Variants in XIRP2 observed in about 807,000 individuals in gnomAD.
XIRP2 encodes xin actin-binding repeat-containing protein 2.
A neutral mutation model predicts 277.0 loss-of-function variants in XIRP2; 236 were observed. The observed-to-expected ratio is 0.85, with a 90% confidence interval of 0.77 to 0.95. XIRP2 has a LOEUF of 0.95. XIRP2 is among the 40% of genes least tolerant of loss of function. The probability of loss-of-function intolerance (pLI) is 0.00; values close to 1 mark genes in which losing one functional copy is unlikely to be tolerated. For missense variants in XIRP2, 4,640 were observed against 4,157.5 expected (o/e 1.12, Z -3.19); for synonymous variants, 1,490 against 1,416.5 (o/e 1.05, Z -1.17).
chr2:167,087,139 G>C (rs373250753), intron 2 of XIRP2, among the ~76,000 whole-genome samples: 1 of 152,026 alleles, frequency 6.6e-6, no homozygotes, highest in Non-Finnish European at 1.5e-5. Context: ...TGTCCTTTCT[G>C]TTTGTTAGTT....
intron 2 of XIRP2, among the ~76,000 whole-genome samples, chr2:166,922,645 A>G (rs917665586): frequency 2.0e-5 from 3 of 152,016 alleles, no homozygotes; most frequent in African/African-American, 7.2e-5. Context: ...ACTGCTGCAT[A>G]CACATACATA....
chr2:167,069,385 C>G (rs1002015059), intron 2 of XIRP2, among the ~76,000 whole-genome samples: 5 of 152,090 alleles, frequency 3.3e-5, no homozygotes, highest in Non-Finnish European at 7.4e-5. Context: ...GAGTTGAACC[C>G]CTATAAGGCT....
chr2:167,254,701 T>A (rs148845902), intron 10 of XIRP2, among the ~76,000 whole-genome samples: 1 of 151,998 alleles, frequency 6.6e-6, no homozygotes, highest in East Asian at 1.9e-4. Context: ...TACCTGTCTT[T>A]GAGCTAGACT....
At chr2:167,071,644 G>GT (rs1689439904) in intron 2 of XIRP2, among the ~76,000 whole-genome samples, 1 of 152,154 alleles carries the variant, frequency 6.6e-6, no homozygotes, top group Non-Finnish European at 1.5e-5. Context: ...ACCTCTTCCT[G>GT]TTTGTTAGTA....
intron 2 of XIRP2, among the ~76,000 whole-genome samples, chr2:167,085,955 A>G (rs1689929007): frequency 6.6e-6 from 1 of 151,652 alleles, no homozygotes; most frequent in African/African-American, 2.4e-5. Flanking sequence ...TAAAGTTAAT[A>G]TTGTTATGTG....
intron 2 of XIRP2, among the ~76,000 whole-genome samples, chr2:167,000,112 A>G (rs1031667495): frequency 3.9e-5 from 6 of 152,210 alleles, no homozygotes; most frequent in Non-Finnish European, 8.8e-5. Flanking sequence ...TGTCATAAAT[A>G]TGGAAGTGTT....
rs2105432920 is a variant in XIRP2, at chr2:167,242,674, T to C, written c.1282T>C (p.Tyr428His). 6.2e-7 allele frequency: 1 copy of C among 1,614,112 alleles called. No homozygotes were observed. The highest frequency in any genetic ancestry group is 8.5e-7 in the Non-Finnish European group (1 of 1,179,986). Residue 428 changes from tyrosine to histidine, a missense_variant, in exon 9 of 11, where the codon TAT becomes CAT. Tyr to His is a moderately conservative substitution (Grantham distance 83). Transcript: ENST00000409195. The part of the protein sequence containing the change: ...SQRKETSTTR[Y>H]SDHSVTSSTL... ...GAGGAAGGAAACATCAACTACAAGA[T>C]ATAGTGATCACAGTGTCACTTCCTC...
chr2:166,929,544 T>C (rs1685273571), intron 2 of XIRP2, among the ~76,000 whole-genome samples: 1 of 152,170 alleles, frequency 6.6e-6, no homozygotes, highest in African/African-American at 2.4e-5. Context: ...TATAGTGGTA[T>C]ATTATAGTAG....
chr2:167,005,517 T>G lies in XIRP2; in HGVS notation c.408+101627T>G, dbSNP rs138205654. Among the ~76,000 whole-genome samples the G allele has an allele frequency of 1.7e-4, 26 of 151,910 alleles. No individual in the cohort carries two copies. In the East Asian group the frequency reaches 4.8e-3, roughly 28 times the overall value. On this transcript the variant is annotated intron_variant, in intron 2 of 10. Transcript: ENST00000409195. ...GAGAATTATTTAAAACAACTGAGAA[T>G]TATTTAGAATAACTGAAAAACTTTA... is the stretch of plus-strand genomic sequence containing the variant.
At chr2:167,146,540 G>A (rs1315666266) in intron 3 of XIRP2, among the ~76,000 whole-genome samples, 2 of 151,580 alleles carry the variant, frequency 1.3e-5, no homozygotes, top group African/African-American at 4.8e-5. Context: ...ATTAATTATA[G>A]AGAATAGAAT....
chr2:167,039,925 A>G (rs1033628065), intron 2 of XIRP2, among the ~76,000 whole-genome samples: 1 of 152,192 alleles, frequency 6.6e-6, no homozygotes, highest in East Asian at 1.9e-4. Flanking sequence ...TGAGCCAAAA[A>G]ATCAATATAC....
At chr2:167,091,700 G>C (rs2105275943) in intron 2 of XIRP2, among the ~76,000 whole-genome samples, 1 of 152,054 alleles carries the variant, frequency 6.6e-6, no homozygotes, top group African/African-American at 2.4e-5. Context: ...CATGTTCCTG[G>C]TTATTTCTGA....
At chr2:167,174,842 C>A (rs1023888115) in intron 3 of XIRP2, among the ~76,000 whole-genome samples, 1 of 152,090 alleles carries the variant, frequency 6.6e-6, no homozygotes, top group African/African-American at 2.4e-5. Context: ...TTATTATATA[C>A]CCAGTAGTCA....
chr2:167,106,157 A>C (rs1005612542), intron 2 of XIRP2, among the ~76,000 whole-genome samples: 2 of 151,626 alleles, frequency 1.3e-5, no homozygotes, highest in African/African-American at 4.8e-5. Context: ...TATTTACCTG[A>C]CTAAAAGTTT....
rs551772174 is a variant in XIRP2, at chr2:166,913,317, C to CA, written c.408+9427_408+9428insA. On this transcript the variant is annotated intron_variant, in intron 2 of 10. Transcript: ENST00000409195. ...GCCTCAGCAATGGTGGGCACCCCCCCCCCCCAGCCTCGCTGCTGCCTTGCA... is the reference window on the plus strand; with the variant it reads ...GCCTCAGCAATGGTGGGCACCCCCCCACCCCCAGCCTCGCTGCTGCCTTGCA... Among the ~76,000 whole-genome samples, 583 of 132,206 alleles carry CA rather than the reference C, an allele frequency of 4.4e-3. 5 individuals are homozygous for CA. Among genetic ancestry groups the CA allele is most frequent in the Admixed American group, 6.7e-3 (78 of 11,676 alleles). 86.7% of individuals were successfully genotyped at this position (132,206 alleles called of 152,430 possible). A position where few individuals can be genotyped will look rare whatever the true frequency, so the allele number is the denominator to read the frequency against.
chr2:167,048,486 T>C, intron 2 of XIRP2, among the ~76,000 whole-genome samples: 1 of 152,044 alleles, frequency 6.6e-6, no homozygotes, highest in African/African-American at 2.4e-5. Context: ...TTATTTTCTC[T>C]TTTTTTCCCC....
At chr2:166,892,145 A>G (rs1362817756) in intron 1 of XIRP2, among the ~76,000 whole-genome samples, 1 of 152,168 alleles carries the variant, frequency 6.6e-6, no homozygotes, top group Non-Finnish European at 1.5e-5. Flanking sequence ...CACTAGAAAA[A>G]TTTCTATCCA....
intron 3 of XIRP2, among the ~76,000 whole-genome samples, chr2:167,201,383 C>T (rs553393141): frequency 1.1e-4 from 13 of 116,802 alleles, no homozygotes; most frequent in Admixed American, 4.2e-4. Context: ...AGGGCAGGAA[C>T]GGTACCATAT....
At chr2:166,962,899 A>C (rs1686333932) in intron 2 of XIRP2, among the ~76,000 whole-genome samples, 1 of 151,744 alleles carries the variant, frequency 6.6e-6, no homozygotes, top group Admixed American at 6.6e-5. Flanking sequence ...TGCCCTAATA[A>C]AATGCCAACC....
Sources: gnomAD v4.1 joint callset for allele counts (sites outside exome capture counted in the v4.1 genomes callset) on GRCh38, gnomAD v4.1.1 for gene constraint, MANE v1.5 for transcripts, NCBI Gene and HGNC (gene_info 2026-07-23, HGNC 2026-07-21) for gene names.